Variants in CELF2 observed in about 807,000 individuals in gnomAD.
CELF2 encodes CUG triplet repeat RNA-binding protein 2.
In CELF2, 8 loss-of-function variants were observed where a neutral mutation model predicts 62.6. The ratio of observed to expected loss-of-function variants is 0.13; its 90% CI spans 0.07 to 0.23. CELF2 has a LOEUF of 0.23. Among genes scored for constraint, CELF2 ranks in the 10% least tolerant of loss-of-function variants. The probability of loss-of-function intolerance (pLI) is 1.00; values close to 1 mark genes in which losing one functional copy is unlikely to be tolerated. For synonymous variants in CELF2, 258 were observed against 250.0 expected, an observed-to-expected ratio of 1.03 and a Z score of -0.30; for missense variants, 333 against 671.0, an observed-to-expected ratio of 0.50 and a Z score of 5.56.
chr10:10,530,837 G>A, the CELF2 span, among the ~76,000 whole-genome samples: 1 of 152,160 alleles, frequency 6.6e-6, no homozygotes, highest in African/African-American at 2.4e-5. Context: ...TGTCAATTTG[G>A]TACTTTTTAA....
rs1214039574 is a variant in CELF2, at chr10:11,300,781, C to T, written c.976+12229C>T. 2.0e-5 allele frequency among the ~76,000 whole-genome samples: 3 copies of T among 152,162 alleles called. No individual in the cohort carries two copies. The highest frequency in any genetic ancestry group is 6.5e-5 in the Admixed American group (1 of 15,282). On this transcript the variant is annotated intron_variant, in intron 9 of 12. Coordinates refer to ENST00000633077, the MANE Select transcript of CELF2 (RefSeq NM_001326342.2). The surrounding 1 kb of genome is among the most constrained non-coding windows in gnomAD (Gnocchi z 5.5). Reference sequence around the variant, plus strand: ...CTCGTTTGAGGCAAAACGGCGACCGCGGGCTCCAGTGTCCTGAGTATGTTT... The same window carrying T: ...CTCGTTTGAGGCAAAACGGCGACCGTGGGCTCCAGTGTCCTGAGTATGTTT...
the CELF2 span, among the ~76,000 whole-genome samples, chr10:10,488,225 C>A: frequency 6.6e-6 from 1 of 152,030 alleles, no homozygotes; most frequent in Non-Finnish European, 1.5e-5. Flanking sequence ...TAATCCCAAT[C>A]CTTATTTGGA....
intron 5 of CELF2, among the ~76,000 whole-genome samples, chr10:11,263,942 TG>T (rs1404059577): frequency 2.0e-5 from 3 of 152,250 alleles, no homozygotes; most frequent in African/African-American, 7.2e-5. Context: ...TTTTTCAACA[TG>T]CACTCCCACT....
chr10:10,982,605 C>A (rs2052275576), intron 2 of CELF2, among the ~76,000 whole-genome samples: 1 of 152,136 alleles, frequency 6.6e-6, no homozygotes, highest in African/African-American at 2.4e-5. Context: ...CATCAGATCC[C>A]AGGATTTTAA....
At chr10:10,989,799 T>TA (rs1163852101) in intron 2 of CELF2, among the ~76,000 whole-genome samples, 2 of 151,936 alleles carry the variant, frequency 1.3e-5, no homozygotes, top group East Asian at 1.9e-4. Flanking sequence ...TCAACTTGAT[T>TA]AAAAAAACAG....
chr10:10,465,483 C>T, the CELF2 span, among the ~76,000 whole-genome samples: 1 of 152,102 alleles, frequency 6.6e-6, no homozygotes, highest in African/African-American at 2.4e-5. Context: ...TCACCTATAG[C>T]CACACATGTT....
rs1415046690 is a variant in CELF2 at position 11,306,252 on chromosome 10, TA to T, written c.977-7886del. Among the ~76,000 whole-genome samples the T allele has an allele frequency of 6.6e-6, 1 of 151,988 alleles. No homozygotes were observed. The highest frequency in any genetic ancestry group is 1.5e-5 in the Non-Finnish European group (1 of 68,010). On this transcript the variant is annotated intron_variant, in intron 9 of 12. Coordinates refer to ENST00000633077, the MANE Select transcript of CELF2 (RefSeq NM_001326342.2). This position sits in a 1 kb window ranked among gnomAD's most constrained non-coding sequence, Gnocchi z 4.4. ...CTGGGAGATTATGAACCAACATTTA[TA>T]GACCGCACCTCTCCTGAGATGCTCC...
chr10:11,099,344 A>C (rs996464871), intron 1 of CELF2, among the ~76,000 whole-genome samples: 3 of 152,212 alleles, frequency 2.0e-5, no homozygotes, highest in Non-Finnish European at 4.4e-5. Flanking sequence ...AGTCACAAAA[A>C]CATTCGTATT....
chr10:10,759,073 C>T, the CELF2 span, among the ~76,000 whole-genome samples: 2 of 152,176 alleles, frequency 1.3e-5, no homozygotes, highest in Non-Finnish European at 2.9e-5. Context: ...TATGAGCTAT[C>T]GAATCAATGA....
chr10:10,639,580 A>G, the CELF2 span, among the ~76,000 whole-genome samples: 1 of 152,214 alleles, frequency 6.6e-6, no homozygotes, highest in Non-Finnish European at 1.5e-5. Context: ...TGGAATAAGT[A>G]AATTTTAATT....
Position 11,191,982 on chromosome 10 carries a change from G to C in CELF2, c.272-25443G>C, listed in dbSNP as rs2076383088. On this transcript the variant is annotated intron_variant, in intron 2 of 12. Coordinates refer to ENST00000633077, the MANE Select transcript of CELF2 (RefSeq NM_001326342.2). The surrounding 1 kb of genome is among the most constrained non-coding windows in gnomAD (Gnocchi z 4.1). ...CCTGACAAGTCAGTGTCATTTTATG[G>C]GTTATTGCTGTTTTCCCAGAATAGC... Among the ~76,000 whole-genome samples the C allele has an allele frequency of 6.6e-6, 1 of 152,170 alleles. No homozygotes were observed.
rs1325402263 is a variant in CELF2 at position 11,316,585 on chromosome 10, T to C, written c.1096+2327T>C. ...TGGACAGAGTCAGCTTCTCAAATAG[T>C]TGACGGCAGCTTCCATAGCACTGCT... On this transcript the variant is annotated intron_variant, in intron 10 of 12. Coordinates refer to ENST00000633077, the MANE Select transcript of CELF2 (RefSeq NM_001326342.2). This position sits in a 1 kb window ranked among gnomAD's most constrained non-coding sequence, Gnocchi z 4.4. Among the ~76,000 whole-genome samples the C allele has an allele frequency of 1.3e-5, 2 of 152,190 alleles. No homozygotes were observed. The highest frequency in any genetic ancestry group is 1.3e-4 in the Admixed American group (2 of 15,278).
chr10:11,062,870 CCT>C (rs1363143607), intron 1 of CELF2, among the ~76,000 whole-genome samples: 6 of 152,054 alleles, frequency 3.9e-5, no homozygotes, highest in African/African-American at 1.4e-4. Flanking sequence ...AAAAATTTTC[CCT>C]GAGTCAGTCA....
At chr10:10,652,026 A>C in the CELF2 span, among the ~76,000 whole-genome samples, 2 of 150,664 alleles carry the variant, frequency 1.3e-5, no homozygotes, top group East Asian at 3.9e-4. Flanking sequence ...GAAGTGCTTA[A>C]AGGAGCTGAT....
chr10:10,552,328 T>C, the CELF2 span, among the ~76,000 whole-genome samples: 1 of 152,226 alleles, frequency 6.6e-6, no homozygotes, highest in Non-Finnish European at 1.5e-5. Context: ...GAATTTTAAG[T>C]AAAGACAGGC....
At chr10:10,507,170 CT>C in the CELF2 span, among the ~76,000 whole-genome samples, 7 of 152,086 alleles carry the variant, frequency 4.6e-5, no homozygotes, top group Non-Finnish European at 1.0e-4. Context: ...CCTTTTCTTT[CT>C]TTTTCTTTTT....
chr10:10,814,488 A>G (rs1780747705), intron 1 of CELF2, among the ~76,000 whole-genome samples: 5 of 152,186 alleles, frequency 3.3e-5, no homozygotes, highest in South Asian at 4.1e-4. Flanking sequence ...TGCATGTATG[A>G]TCAGGCCTTC....
Position 11,145,416 on chromosome 10 carries a change from A to C in CELF2, c.75-20070A>C, listed in dbSNP as rs1461400740. 6.6e-6 allele frequency among the ~76,000 whole-genome samples: 1 copy of C among 152,250 alleles called. No individual in the cohort carries two copies. The highest frequency in any genetic ancestry group is 1.5e-5 in the Non-Finnish European group (1 of 68,046). ...AAGCAAATAATAGCAGGTTGTATGCAGGACTCCCACGTTTGAAAACATGAC... is the reference window on the plus strand; with the variant it reads ...AAGCAAATAATAGCAGGTTGTATGCCGGACTCCCACGTTTGAAAACATGAC... On this transcript the variant is annotated intron_variant, in intron 1 of 12. Coordinates refer to ENST00000633077, the MANE Select transcript of CELF2 (RefSeq NM_001326342.2). This position sits in a 1 kb window ranked among gnomAD's most constrained non-coding sequence, Gnocchi z 4.3.
chr10:10,805,118 A>G (rs1165215264), intron 1 of CELF2, among the ~76,000 whole-genome samples: 1 of 152,144 alleles, frequency 6.6e-6, no homozygotes, highest in Non-Finnish European at 1.5e-5. Flanking sequence ...GTCTCATTTT[A>G]TCTTTGTAAT....
Sources: allele counts gnomAD v4.1 joint callset (sites outside exome capture counted in the v4.1 genomes callset), GRCh38; gene constraint gnomAD v4.1.1; non-coding constraint Gnocchi (gnomAD v3.1); transcripts MANE v1.5; gene names NCBI Gene and HGNC (gene_info 2026-07-23, HGNC 2026-07-21).